The following ADGRB3 variants were observed in gnomAD, a reference collection of about 807,000 sequenced individuals.
ADGRB3 encodes brain-specific angiogenesis inhibitor 3.
A neutral mutation model predicts 193.4 loss-of-function variants in ADGRB3; 37 were observed. That is an observed-to-expected ratio of 0.19 (90% confidence interval 0.15 to 0.25). The LOEUF is 0.25. ADGRB3 is among the 10% of genes least tolerant of loss of function. ADGRB3 has a pLI of 1.00. For synonymous variants in ADGRB3, 690 were observed against 644.2 expected, an observed-to-expected ratio of 1.07 and a Z score of -1.08; for missense variants, 1,637 against 1,852.9, an observed-to-expected ratio of 0.88 and a Z score of 2.14.
chr6:69,189,382 T>C (rs1765139331), intron 17 of ADGRB3, among the ~76,000 whole-genome samples: 2 of 152,196 alleles, frequency 1.3e-5, no homozygotes, highest in African/African-American at 4.8e-5. Flanking sequence ...TTTCTACTTT[T>C]GTCCACATTG....
At chr6:68,805,236 C>A (rs1470893305) in intron 3 of ADGRB3, among the ~76,000 whole-genome samples, 1 of 152,192 alleles carries the variant, frequency 6.6e-6, no homozygotes, top group African/African-American at 2.4e-5. Context: ...CCACTGTGCT[C>A]AGCCATTCTA....
At chr6:68,936,817 G>A (rs1767497450) in intron 5 of ADGRB3, 137 bp downstream of exon 5, 3 of 988,940 alleles carry the variant, frequency 3.0e-6, no homozygotes, top group South Asian at 2.2e-5. Flanking sequence ...TTATTCAACT[G>A]TAATATTTTA....
At chr6:69,012,477 C>A (rs1276739857) in intron 11 of ADGRB3, among the ~76,000 whole-genome samples, 1 of 151,874 alleles carries the variant, frequency 6.6e-6, no homozygotes, top group Non-Finnish European at 1.5e-5. Context: ...TTCTTTCTGA[C>A]CATAGGTAGA....
rs188200092 is a variant in ADGRB3, at chr6:68,912,310, A to G, written c.758-18249A>G. Among the ~76,000 whole-genome samples, 119 of 151,414 alleles carry G rather than the reference A, an allele frequency of 7.9e-4. No individual in the cohort carries two copies. The East Asian group carries it at 0.01, about 13-fold the overall frequency. ...TGTGGCCTAATATTAACACTTATTA[A>G]TGCTTCATTAATAATGTATATTCAT... is the stretch of plus-strand genomic sequence containing the variant. On this transcript the variant is annotated intron_variant, in intron 3 of 31. Transcript: ENST00000370598.
At chr6:69,035,464 G>A (rs1770842430) in intron 13 of ADGRB3, among the ~76,000 whole-genome samples, 1 of 152,132 alleles carries the variant, frequency 6.6e-6, no homozygotes, top group African/African-American at 2.4e-5. Flanking sequence ...AGAGGAGTTG[G>A]TTGAAATGAA....
intron 17 of ADGRB3, among the ~76,000 whole-genome samples, chr6:69,122,726 C>T (rs2150330733): frequency 6.6e-6 from 1 of 151,748 alleles, no homozygotes; most frequent in South Asian, 2.1e-4. Context: ...TTGCTAAGAC[C>T]AAGTCTATTT....
chr6:68,943,290 GGCAA>G (rs1767690777), intron 5 of ADGRB3, among the ~76,000 whole-genome samples: 5 of 151,948 alleles, frequency 3.3e-5, no homozygotes, highest in Admixed American at 3.3e-4. Flanking sequence ...ATTTTTAAAT[GGCAA>G]AAAATCTATT....
At chr6:68,855,987 C>T (rs921167239) in intron 3 of ADGRB3, among the ~76,000 whole-genome samples, 1 of 152,164 alleles carries the variant, frequency 6.6e-6, no homozygotes, top group Non-Finnish European at 1.5e-5. Flanking sequence ...GGGTCTTTCC[C>T]ATGCTGTTCT....
intron 15 of ADGRB3, among the ~76,000 whole-genome samples, chr6:69,062,502 G>A (rs12215081): frequency 2.0e-5 from 3 of 151,544 alleles, no homozygotes; most frequent in Non-Finnish European, 4.4e-5. Context: ...ATTGTAATGT[G>A]TTTTGGGATA....
chr6:68,819,200 C>T (rs1047852672), intron 3 of ADGRB3, among the ~76,000 whole-genome samples: 1 of 151,990 alleles, frequency 6.6e-6, no homozygotes, highest in Non-Finnish European at 1.5e-5. Context: ...CACACTCACA[C>T]ACCCCTTTAA....
intron 17 of ADGRB3, 66 bp downstream of exon 17, chr6:69,076,104 G>A: frequency 7.2e-7 from 1 of 1,385,904 alleles, no homozygotes; most frequent in South Asian, 1.2e-5. Context: ...AGTTAGTTCA[G>A]CTGCCTGCTA....
chr6:68,831,595 G>A (rs1302479734), intron 3 of ADGRB3, among the ~76,000 whole-genome samples: 1 of 152,098 alleles, frequency 6.6e-6, no homozygotes, highest in Non-Finnish European at 1.5e-5. Context: ...TGTGGGTGAG[G>A]AAACAAGATG....
At chr6:69,037,156 C>T (rs1416755799) in intron 13 of ADGRB3, among the ~76,000 whole-genome samples, 1 of 151,990 alleles carries the variant, frequency 6.6e-6, no homozygotes, top group Non-Finnish European at 1.5e-5. Flanking sequence ...AAGAATGACC[C>T]CCAGATGTGT....
intron 20 of ADGRB3, among the ~76,000 whole-genome samples, chr6:69,242,157 G>A (rs1370193254): frequency 6.6e-6 from 1 of 151,784 alleles, no homozygotes; most frequent in African/African-American, 2.4e-5. Flanking sequence ...GGGATTAATG[G>A]TGTCTCAAAA....
intron 20 of ADGRB3, among the ~76,000 whole-genome samples, chr6:69,299,242 G>C (rs1027902086): frequency 1.3e-5 from 2 of 151,140 alleles, no homozygotes; most frequent in Non-Finnish European, 3.0e-5. Flanking sequence ...TTGTCTTTTG[G>C]GTTTTTTGTT....
At chr6:69,215,507 T>A (rs950226497) in intron 17 of ADGRB3, among the ~76,000 whole-genome samples, 2 of 151,988 alleles carry the variant, frequency 1.3e-5, no homozygotes, top group Admixed American at 1.3e-4. Context: ...TAGATATATC[T>A]CTATAGATAA....
chr6:68,965,078 T>A (rs754696567), intron 8 of ADGRB3, among the ~76,000 whole-genome samples: 1 of 152,308 alleles, frequency 6.6e-6, no homozygotes, highest in African/African-American at 2.4e-5. Context: ...CACAAGGTTA[T>A]AAGAATTCTG....
intron 19 of ADGRB3, among the ~76,000 whole-genome samples, chr6:69,238,579 G>A (rs779460): frequency 0.72 from 109,895 of 151,886 alleles, 42,050 homozygotes; most frequent in African/African-American, 0.93. Flanking sequence ...ATAAAGAGTA[G>A]CAGCCTAATT....
intron 15 of ADGRB3, among the ~76,000 whole-genome samples, chr6:69,053,197 T>C (rs1771449463): frequency 6.6e-6 from 1 of 151,874 alleles, no homozygotes; most frequent in Non-Finnish European, 1.5e-5. Context: ...AAAAAATGTA[T>C]AGAACCATAG....
Sources: allele counts gnomAD v4.1 joint callset (sites outside exome capture counted in the v4.1 genomes callset), GRCh38; gene constraint gnomAD v4.1.1; transcripts MANE v1.5; gene names NCBI Gene and HGNC (gene_info 2026-07-23, HGNC 2026-07-21).